NTM: variants seen among roughly 807,000 people sequenced by gnomAD.
The protein encoded by NTM is neurotrimin.
A neutral mutation model predicts 42.1 loss-of-function variants in NTM; 13 were observed. The ratio of observed to expected loss-of-function variants is 0.31; its 90% CI spans 0.20 to 0.49. NTM has a LOEUF of 0.49. NTM is among the 20% of genes least tolerant of loss of function. NTM has a pLI of 0.99. For missense variants in NTM, 373 were observed against 452.8 expected (o/e 0.82, Z 1.60); for synonymous variants, 187 against 179.2 (o/e 1.04, Z -0.35).
chr11:132,249,900 AGCTT>A (rs1442798199), intron 4 of NTM, among the ~76,000 whole-genome samples: 1 of 152,216 alleles, frequency 6.6e-6, no homozygotes, highest in Non-Finnish European at 1.5e-5. Flanking sequence ...GCTGGTATAT[AGCTT>A]AATTAACAAT....
At chr11:131,946,997 A>G (rs559814772) in intron 2 of NTM, among the ~76,000 whole-genome samples, 47 of 152,316 alleles carry the variant, frequency 3.1e-4, no homozygotes, top group Middle Eastern at 6.8e-3. Context: ...AAATATTGAA[A>G]ATTACCTAAT....
At chr11:131,440,840 A>ATTC in intron 1 of NTM, among the ~76,000 whole-genome samples, 2 of 122,284 alleles carry the variant, frequency 1.6e-5, no homozygotes, top group African/African-American at 2.8e-5. Context: ...AAAAAAAAAA[A>ATTC]AAAAAAAAAA....
At chr11:132,244,557 T>C (rs1427924627) in intron 4 of NTM, among the ~76,000 whole-genome samples, 1 of 152,214 alleles carries the variant, frequency 6.6e-6, no homozygotes, top group East Asian at 1.9e-4. Flanking sequence ...ACTTACACTT[T>C]ATCTCTCTCT....
At position 132,001,613 on chromosome 11, in the gene NTM, C is replaced by T. The variant is rs1350288241; in HGVS notation, c.167+89965C>T. Among the ~76,000 whole-genome samples, 3 of 152,106 alleles carry T rather than the reference C, an allele frequency of 2.0e-5. No homozygotes were observed. In the East Asian group the frequency reaches 5.8e-4, roughly 30 times the overall value. On this transcript the variant is annotated intron_variant, in intron 2 of 8. Coordinates refer to ENST00000683400, the MANE Select transcript of NTM (RefSeq NM_001352005.2). ...AGGGTGGGGAGGAGGTACCATACCC[C>T]AACAACAGATCTCATGAGGACAGCC...
intron 1 of NTM, among the ~76,000 whole-genome samples, chr11:131,489,005 C>T (rs569715573): frequency 6.6e-6 from 1 of 152,334 alleles, no homozygotes; most frequent in African/African-American, 2.4e-5. Flanking sequence ...ATTAAGCCTT[C>T]CTGGGAGCAA....
At chr11:131,423,108 A>G (rs1363716222) in intron 1 of NTM, among the ~76,000 whole-genome samples, 1 of 152,194 alleles carries the variant, frequency 6.6e-6, no homozygotes, top group African/African-American at 2.4e-5. Flanking sequence ...CCCCATCTCA[A>G]AGTTGAACAA....
chr11:132,110,558 C>G (rs989434294), intron 2 of NTM, among the ~76,000 whole-genome samples: 7 of 152,142 alleles, frequency 4.6e-5, no homozygotes, highest in African/African-American at 7.2e-5. Flanking sequence ...TCAATCATAT[C>G]CATGTTTGGT....
intron 1 of NTM, among the ~76,000 whole-genome samples, chr11:131,834,328 C>A (rs1259555881): frequency 6.6e-6 from 1 of 152,094 alleles, no homozygotes; most frequent in Non-Finnish European, 1.5e-5. Context: ...TTAACTATGA[C>A]CTATCGGCCA....
intron 2 of NTM, among the ~76,000 whole-genome samples, chr11:132,050,902 T>C (rs2078762424): frequency 1.3e-5 from 2 of 152,318 alleles, no homozygotes; most frequent in South Asian, 2.1e-4. Flanking sequence ...CCTTGTCTGG[T>C]TCTTCTTCTG....
chr11:131,781,429 T>G (rs776660710), intron 1 of NTM, among the ~76,000 whole-genome samples: 18 of 152,028 alleles, frequency 1.2e-4, no homozygotes, highest in Admixed American at 8.5e-4. Context: ...ATAGAAAACA[T>G]TCAGGAAACA....
chr11:131,400,018 T>G (rs1944962940), intron 1 of NTM, among the ~76,000 whole-genome samples: 1 of 152,198 alleles, frequency 6.6e-6, no homozygotes, highest in South Asian at 2.1e-4. Flanking sequence ...TCCTAATTTA[T>G]GCTATGTATG....
At chr11:132,066,430 T>C (rs2056502559) in intron 2 of NTM, among the ~76,000 whole-genome samples, 1 of 152,188 alleles carries the variant, frequency 6.6e-6, no homozygotes, top group Non-Finnish European at 1.5e-5. Flanking sequence ...GACTTTCTCA[T>C]TTTAGTTTTC....
intron 2 of NTM, among the ~76,000 whole-genome samples, chr11:132,050,159 G>A (rs1422064536): frequency 6.6e-6 from 1 of 152,178 alleles, no homozygotes; most frequent in East Asian, 1.9e-4. Flanking sequence ...CTGGGGAAGG[G>A]AGAAGGGTGA....
intron 4 of NTM, among the ~76,000 whole-genome samples, chr11:132,217,737 C>A (rs1231349421): frequency 1.3e-5 from 2 of 151,882 alleles, no homozygotes; most frequent in East Asian, 3.9e-4. Context: ...TTGAAGAGGT[C>A]CAGTGGACAT....
intron 1 of NTM, among the ~76,000 whole-genome samples, chr11:131,798,874 A>G (rs1057188808): frequency 6.6e-6 from 1 of 152,176 alleles, no homozygotes; most frequent in African/African-American, 2.4e-5. Flanking sequence ...CGCCCAGTGA[A>G]CTTCTAACTG....
At chr11:131,965,864 C>T (rs1329116723) in intron 2 of NTM, among the ~76,000 whole-genome samples, 1 of 142,960 alleles carries the variant, frequency 7.0e-6, no homozygotes, top group Non-Finnish European at 1.5e-5. Context: ...CATAAGAATA[C>T]TAAATAGTAC....
At chr11:132,075,063 A>C (rs1443449845) in intron 2 of NTM, among the ~76,000 whole-genome samples, 1 of 152,194 alleles carries the variant, frequency 6.6e-6, no homozygotes, top group East Asian at 1.9e-4. Flanking sequence ...TGAGGACATT[A>C]TGCTGAATGA....
intron 1 of NTM, among the ~76,000 whole-genome samples, chr11:131,402,800 G>C (rs568943371): frequency 6.6e-6 from 1 of 152,286 alleles, no homozygotes; most frequent in South Asian, 2.1e-4. Flanking sequence ...ATTTTACAGC[G>C]TCTGCTGTAG....
intron 4 of NTM, among the ~76,000 whole-genome samples, chr11:132,219,951 T>TA (rs2084800847): frequency 6.6e-6 from 1 of 152,230 alleles, no homozygotes; most frequent in African/African-American, 2.4e-5. Context: ...CAAAGGTGCT[T>TA]AATCAGCACC....
Sources: gnomAD v4.1 joint callset for allele counts (sites outside exome capture counted in the v4.1 genomes callset) on GRCh38, gnomAD v4.1.1 for gene constraint, MANE v1.5 for transcripts, NCBI Gene and HGNC (gene_info 2026-07-23, HGNC 2026-07-21) for gene names.